Variants in PPFIBP2 observed in about 807,000 individuals in gnomAD.
PPFIBP2 encodes the protein PPFIB scaffold protein 2.
A neutral mutation model predicts 118.3 loss-of-function variants in PPFIBP2; 118 were observed. The observed-to-expected ratio is 1.00, with a 90% CI of 0.86 to 1.16. The LOEUF (loss-of-function observed/expected upper bound fraction) is 1.16, where lower values mean the gene tolerates loss of function less well. PPFIBP2 is among the 50% of genes most tolerant of loss of function. The pLI is 0.00. For missense variants in PPFIBP2, 1,195 were observed against 1,073.1 expected (o/e 1.11, Z -1.59); for synonymous variants, 414 against 397.4 (o/e 1.04, Z -0.50).
chr11:7,605,701 C>T, intron 5 of PPFIBP2: 4 of 1,319,482 alleles, frequency 3.0e-6, no homozygotes, highest in African/African-American at 1.5e-5. Flanking sequence ...GTTGATAAAC[C>T]AGGAAAATAG....
intron 1 of PPFIBP2, 102 bp downstream of exon 1, chr11:7,514,223 C>G (rs7115211): frequency 0.46 from 70,416 of 152,130 alleles, 16,643 homozygotes; most frequent in African/African-American, 0.49. Flanking sequence ...GAGCTACGAA[C>G]CACGGGGACG....
the PPFIBP2 span, chr11:7,665,893 C>A: frequency 6.5e-7 from 1 of 1,535,998 alleles, no homozygotes; most frequent in African/African-American, 1.4e-5. Flanking sequence ...GTTAGTGGAA[C>A]TGCGCAGAAT....
chr11:7,649,134 T>A lies in PPFIBP2; in HGVS notation c.1910-13T>A. 6.2e-7 allele frequency: 1 copy of A among 1,611,328 alleles called. No homozygotes were observed. Among genetic ancestry groups the A allele is most frequent in the Non-Finnish European group, 8.5e-7 (1 of 1,178,294 alleles). ...CATGAATCCTGACACATCTGGGGTT[T>A]TTGTATTTGTAGGGTGGCTTGATGA... On this transcript the variant is annotated splice_polypyrimidine_tract_variant and intron_variant, in intron 19 of 23. Coordinates refer to ENST00000299492, the MANE Select transcript of PPFIBP2 (RefSeq NM_003621.5).
In PPFIBP2 at chr11:7,597,801, C is replaced by T. The variant is rs1860639205; in HGVS notation, c.486+128C>T. 3.9e-6 allele frequency: 3 copies of T among 762,894 alleles called. No homozygotes were observed. In the South Asian group the frequency reaches 5.0e-5, roughly 13 times the overall value. The allele number at this position is 762,894 out of a possible 1,614,324, so 47.3% of individuals were successfully genotyped here. On this transcript the variant is annotated intron_variant, in intron 5 of 23. Transcript: ENST00000299492. Reference sequence around the variant, plus strand: ...CTGCCTGGGGGCGGGATTGGCTGCTCAGTTGTACGGTGTTTATACAGCAGG... The same window carrying T: ...CTGCCTGGGGGCGGGATTGGCTGCTTAGTTGTACGGTGTTTATACAGCAGG...
chr11:7,625,669 C>T, intron 7 of PPFIBP2, 108 bp from the exon 8 acceptor site: 1 of 827,190 alleles, frequency 1.2e-6, no homozygotes, highest in Non-Finnish European at 2.0e-6. Flanking sequence ...CTTCTCCTAA[C>T]TCCTGATGCA....
At chr11:7,617,357 C>T in intron 6 of PPFIBP2, 2 of 959,232 alleles carry the variant, frequency 2.1e-6, no homozygotes, top group Non-Finnish European at 2.5e-6. Context: ...GGTGGAGGGG[C>T]TGGGGTTTCT....
intron 6 of PPFIBP2, chr11:7,617,360 G>A (rs1390788932): frequency 3.2e-6 from 3 of 948,326 alleles, no homozygotes; most frequent in Non-Finnish European, 2.5e-6. Context: ...GGAGGGGCTG[G>A]GGTTTCTCCT....
intron 3 of PPFIBP2, among the ~76,000 whole-genome samples, chr11:7,588,359 C>T (rs1034595483): frequency 8.5e-5 from 13 of 152,212 alleles, no homozygotes; most frequent in Admixed American, 3.3e-4. Flanking sequence ...CCTGCTGAGG[C>T]TGATTGACTA....
chr11:7,649,273 T>C (rs776691443), intron 20 of PPFIBP2, 38 bp downstream of exon 20: 3 of 1,558,254 alleles, frequency 1.9e-6, no homozygotes, highest in Middle Eastern at 1.7e-4. Flanking sequence ...GTTGTCCCTG[T>C]GAGCACTCAG....
chr11:7,656,802 T>C (rs1446263649), downstream of PPFIBP2: 6 of 1,289,684 alleles, frequency 4.7e-6, no homozygotes, highest in Non-Finnish European at 5.1e-6. Flanking sequence ...GAGATGACTT[T>C]CTTCGTGGCT....
At chr11:7,649,678 C>A (rs1440008939) in intron 21 of PPFIBP2, 24 bp downstream of exon 21, 1 of 1,613,614 alleles carries the variant, frequency 6.2e-7, no homozygotes, top group Non-Finnish European at 8.5e-7. Flanking sequence ...TAGTATCTCT[C>A]CAGGTAGCCC....
chr11:7,580,813 A>G (rs1007215677), intron 3 of PPFIBP2, among the ~76,000 whole-genome samples: 4 of 152,240 alleles, frequency 2.6e-5, no homozygotes, highest in Non-Finnish European at 5.9e-5. Flanking sequence ...GTGCAGTATC[A>G]TGCATGTAGG....
chr11:7,608,577 T>G (rs1590561633), intron 5 of PPFIBP2, among the ~76,000 whole-genome samples: 1 of 151,824 alleles, frequency 6.6e-6, no homozygotes, highest in African/African-American at 2.4e-5. Flanking sequence ...GAGGTGGAGG[T>G]TGTGGTGAGC....
At chr11:7,604,450 C>T (rs1847079817) in intron 5 of PPFIBP2, among the ~76,000 whole-genome samples, 2 of 150,116 alleles carry the variant, frequency 1.3e-5, no homozygotes, top group African/African-American at 2.5e-5. Flanking sequence ...ACACACCCAC[C>T]TACTCACCCA....
At chr11:7,599,100 G>C (rs1388644796) in intron 5 of PPFIBP2, among the ~76,000 whole-genome samples, 4 of 150,278 alleles carry the variant, frequency 2.7e-5, no homozygotes, top group African/African-American at 9.9e-5. Flanking sequence ...AGGAATTGAG[G>C]CTTTTTTTTT....
At chr11:7,572,708 G>A (rs776815400) in intron 3 of PPFIBP2, among the ~76,000 whole-genome samples, 2 of 152,198 alleles carry the variant, frequency 1.3e-5, no homozygotes, top group Non-Finnish European at 2.9e-5. Flanking sequence ...GGGCAGGCAG[G>A]CTCCAGGGAA....
At chr11:7,584,723 A>G (rs1341655884) in intron 3 of PPFIBP2, among the ~76,000 whole-genome samples, 2 of 152,114 alleles carry the variant, frequency 1.3e-5, no homozygotes, top group Admixed American at 1.3e-4. Context: ...AGCTTTTGTG[A>G]TCCAATCATT....
chr11:7,592,032 C>G (rs1859404892), intron 3 of PPFIBP2, among the ~76,000 whole-genome samples: 1 of 152,180 alleles, frequency 6.6e-6, no homozygotes, highest in African/African-American at 2.4e-5. Flanking sequence ...TGCCTCTTTG[C>G]ACAATTAAGA....
chr11:7,635,082 A>G (rs938778471), intron 13 of PPFIBP2, among the ~76,000 whole-genome samples: 2 of 152,196 alleles, frequency 1.3e-5, no homozygotes, highest in African/African-American at 4.8e-5. Context: ...ATATAGGAGT[A>G]GCCCTTGATC....
Sources: allele counts gnomAD v4.1 joint callset (sites outside exome capture counted in the v4.1 genomes callset), GRCh38; gene constraint gnomAD v4.1.1; transcripts MANE v1.5; gene names NCBI Gene and HGNC (gene_info 2026-07-23, HGNC 2026-07-21).